The following TRPM5 variants were observed in gnomAD, a reference collection of about 807,000 sequenced individuals.
TRPM5 encodes transient receptor potential cation channel subfamily M member 5, also known as MLSN1 and TRP-related.
TRPM5 carries 121 observed loss-of-function variants against 124.9 expected under a neutral mutation model. That is an observed-to-expected ratio of 0.97 (90% confidence interval 0.84 to 1.13). TRPM5 has a LOEUF of 1.13. Among genes scored for constraint, TRPM5 ranks in the 50% most tolerant of loss-of-function variants. The pLI, the probability that TRPM5 is intolerant of heterozygous loss-of-function variation, is 0.00. For missense variants in TRPM5, 1,643 were observed against 1,589.1 expected, an observed-to-expected ratio of 1.03 and a Z score of -0.58; for synonymous variants, 781 against 700.5, an observed-to-expected ratio of 1.11 and a Z score of -1.81.
upstream of TRPM5, among the ~76,000 whole-genome samples, chr11:2,427,920 T>C (rs948234895): frequency 6.6e-6 from 1 of 152,140 alleles, no homozygotes; most frequent in Admixed American, 6.5e-5. Context: ...TGCGAGGCCG[T>C]GGGGCATCGG....
exon 24 of TRPM5, chr11:2,404,641 C>T (rs1299681614): frequency 5.3e-6 from 2 of 380,206 alleles, no homozygotes; most frequent in Non-Finnish European, 9.6e-6. Flanking sequence ...AGCTTTTCCA[C>T]AGTGCAGGCT....
At position 2,415,057 on chromosome 11, in the gene TRPM5, A is replaced by G. The variant is rs924042038; in HGVS notation, c.1480-10T>C. On this transcript the variant is annotated splice_polypyrimidine_tract_variant and intron_variant, in intron 9 of 23. Coordinates refer to ENST00000155858, the Ensembl canonical transcript of TRPM5. ...TGGCCGGGCCCTTCTCCTGGAGGACACGGGCGTCGGCCTCCTGCTGCGGCC... is the reference window on the plus strand; with the variant it reads ...TGGCCGGGCCCTTCTCCTGGAGGACGCGGGCGTCGGCCTCCTGCTGCGGCC... 4 of 1,597,572 alleles carry G rather than the reference A, an allele frequency of 2.5e-6. No individual in the cohort carries two copies. The highest frequency in any genetic ancestry group is 3.4e-6 in the Non-Finnish European group (4 of 1,177,668).
chr11:2,414,168 C>T lies in TRPM5; in HGVS notation c.1783G>A (p.Ala595Thr), dbSNP rs150465645. The T allele has an allele frequency of 5.7e-5, 92 of 1,609,848 alleles. No homozygotes were observed. Among genetic ancestry groups the T allele is most frequent in the Middle Eastern group, 1.7e-4 (1 of 5,746 alleles). Residue 595 changes from alanine (A) to threonine (T), a missense_variant, in exon 12 of 24, where the codon GCC becomes ACC. Ala to Thr is a moderately conservative substitution (Grantham distance 58). Transcript: ENST00000155858. ...TTCCGGCGCACCAGCAGGGCGAAGGCGCGGGCCTCACTGTTGCTGTAGCAC... is the reference window on the plus strand; with the variant it reads ...TTCCGGCGCACCAGCAGGGCGAAGGTGCGGGCCTCACTGTTGCTGTAGCAC...
In TRPM5 at chr11:2,411,769, T is replaced by C. The variant is rs1230141551; in HGVS notation, c.2475-2A>G. ...GCCTCAAACGCCGACGGCAGCATCC[T>C]GGAGGATGGGAGGCTGATGCGGCTG... On this transcript the variant is annotated splice_acceptor_variant, in intron 16 of 23. Coordinates refer to ENST00000155858, the Ensembl canonical transcript of TRPM5. LOFTEE classifies it high-confidence loss of function. 3 of 1,612,134 alleles carry C rather than the reference T, an allele frequency of 1.9e-6. No homozygotes were observed. The highest frequency in any genetic ancestry group is 2.2e-5 in the East Asian group (1 of 44,874).
Position 2,407,061 on chromosome 11 carries a change from G to A in TRPM5, c.3118+58C>T, listed in dbSNP as rs1273019565. The A allele has an allele frequency of 2.5e-5, 37 of 1,476,092 alleles. No homozygotes were observed. The South Asian group carries it at 2.6e-4, about 10-fold the overall frequency. 91.4% of individuals were successfully genotyped at this position (1,476,092 alleles called of 1,614,324 possible). ...AGACCTGCCTCCAGCGCACAGCCCC[G>A]CCCTGGGACCCGCCACCTCGGCCTC... On this transcript the variant is annotated intron_variant, in intron 20 of 23. Transcript: ENST00000155858.
intron 18 of TRPM5, among the ~76,000 whole-genome samples, chr11:2,408,163 C>T (rs184345595): frequency 6.6e-6 from 1 of 152,290 alleles, no homozygotes; most frequent in East Asian, 1.9e-4. Context: ...GCTGAGCTTC[C>T]ACCAGGGGCT....
chr11:2,443,044 A>C, the TRPM5 span, among the ~76,000 whole-genome samples: 2 of 151,876 alleles, frequency 1.3e-5, no homozygotes, highest in Admixed American at 6.6e-5. The surrounding 1 kb of genome is among the most constrained non-coding windows in gnomAD (Gnocchi z 5.0). Flanking sequence ...TTCTATTTTA[A>C]TTTTTCTTAT....
intron 22 of TRPM5, 67 bp downstream of exon 27, chr11:2,405,952 C>T: frequency 2.9e-6 from 4 of 1,400,606 alleles, no homozygotes; most frequent in African/African-American, 1.4e-5. Context: ...GGGCTGTGGA[C>T]CCATCCCAGT....
At chr11:2,437,582 G>C in the TRPM5 span, among the ~76,000 whole-genome samples, 1 of 152,218 alleles carries the variant, frequency 6.6e-6, no homozygotes, top group African/African-American at 2.4e-5. The surrounding 1 kb of genome is among the most constrained non-coding windows in gnomAD (Gnocchi z 5.6). Context: ...GAAGGACCCT[G>C]AGCTAGTTCT....
Position 2,413,697 on chromosome 11 carries a change from G to T in TRPM5, c.1891-109C>A, listed in dbSNP as rs1007657513. 6 of 1,050,826 alleles carry T rather than the reference G, an allele frequency of 5.7e-6. No homozygotes were observed. In the African/African-American group the frequency reaches 6.4e-5, roughly 11 times the overall value. The allele number at this position is 1,050,826 out of a possible 1,614,324, so 65.1% of individuals were successfully genotyped here. On this transcript the variant is annotated intron_variant, in intron 12 of 23. Transcript: ENST00000155858. ...TGCCTGGCCCACGTGAGCTGAAGGG[G>T]TGCCCAGCCCAGCCCTCCCTCCCGG...
At chr11:2,409,350 TA>T (rs1239348865) in intron 18 of TRPM5, among the ~76,000 whole-genome samples, 1 of 151,922 alleles carries the variant, frequency 6.6e-6, no homozygotes, top group Non-Finnish European at 1.5e-5. Flanking sequence ...TGTGAAGCCG[TA>T]AATCTGTCTG....
At chr11:2,434,284 C>T in the TRPM5 span, among the ~76,000 whole-genome samples, 1 of 141,904 alleles carries the variant, frequency 7.0e-6, no homozygotes, top group African/African-American at 2.7e-5. Context: ...CACTGTGTGA[C>T]TGCATGTGTG....
chr11:2,433,180 G>A, the TRPM5 span, among the ~76,000 whole-genome samples: 5 of 152,254 alleles, frequency 3.3e-5, no homozygotes, highest in African/African-American at 1.2e-4. Context: ...CAGAGGTAGA[G>A]GCCGTAGGGG....
chr11:2,434,639 CT>C, the TRPM5 span, among the ~76,000 whole-genome samples: 2 of 150,766 alleles, frequency 1.3e-5, no homozygotes, highest in Non-Finnish European at 3.0e-5. Context: ...TGTGTGGACA[CT>C]GCATGTGTGT....
In TRPM5 at chr11:2,411,722, C is replaced by T. The variant is rs781774861; in HGVS notation, c.2520G>A (p.Met840Ile). 3.1e-6 allele frequency: 5 copies of T among 1,612,732 alleles called. No individual in the cohort carries two copies. Among genetic ancestry groups the T allele is most frequent in the Middle Eastern group, 3.3e-4 (2 of 6,060 alleles). The change falls in exon 17 of 24, where the codon ATG (methionine) becomes ATA (isoleucine). Residue 840 changes from methionine to isoleucine, a missense_variant. Met to Ile is a conservative substitution (Grantham distance 10, BLOSUM62 1). Transcript: ENST00000155858. ...GCCGCAGCGTGAACACCATGAAGTC[C>T]ATGGCGAGGACTGTGCGGCCAGCCT...
chr11:2,407,383 TGGG>T (rs930177825), intron 19 of TRPM5, 83 bp from the exon 25 acceptor site: 8 of 1,375,048 alleles, frequency 5.8e-6, no homozygotes, highest in Non-Finnish European at 7.9e-6. Context: ...TGATTGCTGT[TGGG>T]GAGCCCTTTT....
intron 19 of TRPM5, 24 bp downstream of exon 24, chr11:2,407,730 TCTCTC>T: frequency 6.2e-7 from 1 of 1,610,922 alleles, no homozygotes; most frequent in South Asian, 1.1e-5. Context: ...GCTCCAGGGC[TCTCTC>T]CTCCAGGGGT....
intron 12 of TRPM5, 96 bp downstream of exon 17, chr11:2,413,964 AG>A: frequency 6.7e-7 from 1 of 1,482,892 alleles, no homozygotes; most frequent in Non-Finnish European, 9.1e-7. Flanking sequence ...CGGGAGTGAC[AG>A]GGCAGCTGCA....
Position 2,421,551 on chromosome 11 carries a change from C to T in TRPM5, c.299-353G>A, listed in dbSNP as rs567839843. On this transcript the variant is annotated intron_variant, in intron 2 of 23. Coordinates refer to ENST00000155858, the Ensembl canonical transcript of TRPM5. The stretch of plus-strand genomic sequence containing the variant: ...GGGTGAGAATCCCAGGATGTTTTCC[C>T]AAATGACAAAGCCCTCGGCCCTTGT... Among the ~76,000 whole-genome samples the T allele has an allele frequency of 5.3e-5, 8 of 152,322 alleles. No individual in the cohort carries two copies. In the South Asian group the frequency reaches 1.7e-3, roughly 32 times the overall value.
Sources: gnomAD v4.1 joint callset for allele counts (sites outside exome capture counted in the v4.1 genomes callset) on GRCh38, gnomAD v4.1.1 for gene constraint, Gnocchi (gnomAD v3.1) non-coding constraint, MANE v1.5 for transcripts, NCBI Gene and HGNC (gene_info 2026-07-23, HGNC 2026-07-21) for gene names.